Variants in PRH1 observed in about 807,000 individuals in gnomAD.
PRH1 encodes the protein salivary acidic proline-rich phosphoprotein 1/2.
In PRH1, 7 loss-of-function variants were observed where a neutral mutation model predicts 7.9. The observed-to-expected ratio is 0.89, with a 90% CI of 0.50 to 1.67. The LOEUF is 1.67. Ranked by LOEUF, PRH1 falls within the 40% of genes most tolerant of loss-of-function variation. PRH1 has a pLI of 0.00. For synonymous variants in PRH1, 45 were observed against 80.8 expected, an observed-to-expected ratio of 0.56 and a Z score of 2.38; for missense variants, 109 against 223.6, an observed-to-expected ratio of 0.49 and a Z score of 3.27.
chr12:10,908,432 TCTTAA>T (rs754305613), intron 2 of PRH1: 8 of 1,613,614 alleles, frequency 5.0e-6, no homozygotes, highest in Non-Finnish European at 6.8e-6. Flanking sequence ...GAAAGGCCTG[TCTTAA>T]CTTAGCGTTT....
chr12:11,061,374 T>C (rs1241377632), intron 1 of PRH1: 2 of 1,612,590 alleles, frequency 1.2e-6, no homozygotes, highest in Non-Finnish European at 8.5e-7. Flanking sequence ...TCTATGAAGA[T>C]GAAGGCTTCT....
chr12:11,166,461 T>G (rs928669693), intron 1 of PRH1: 1 of 152,234 alleles, frequency 6.6e-6, no homozygotes, highest in Non-Finnish European at 1.5e-5. Context: ...CCACTCCTTG[T>G]GCCAATCAGC....
chr12:11,053,566 T>C (rs894238555), intron 1 of PRH1, among the ~76,000 whole-genome samples: 1 of 152,278 alleles, frequency 6.6e-6, no homozygotes, highest in Non-Finnish European at 1.5e-5. Flanking sequence ...TGAACTTTGC[T>C]GTTTACTAAT....
At chr12:10,922,209 A>C (rs140060062) in intron 2 of PRH1, among the ~76,000 whole-genome samples, 14 of 152,324 alleles carry the variant, frequency 9.2e-5, no homozygotes, top group Middle Eastern at 3.4e-3. Flanking sequence ...TTCTTAACTT[A>C]TTCACCCTTC....
intron 2 of PRH1, chr12:10,937,336 A>C (rs751037121): frequency 3.9e-5 from 6 of 152,026 alleles, no homozygotes; most frequent in Non-Finnish European, 5.9e-5. Flanking sequence ...TACCACCATT[A>C]ACAAGTATCA....
Position 11,041,307 on chromosome 12 carries a change from A to AAAAAAAAAAAAAAAAAC in PRH1, c.-126+5712_-126+5713insGTTTTTTTTTTTTTTTT, listed in dbSNP as rs1565584500. On this transcript the variant is annotated intron_variant, in intron 1 of 3. Transcript: ENST00000539853. ...GCAAACCAAAAAAAAAAAAAAAAAA[A>AAAAAAAAAAAAAAAAAC]AAAACAAAAAAGTAGAGTACCTATA... Among the ~76,000 whole-genome samples, 9 of 97,194 alleles carry AAAAAAAAAAAAAAAAAC rather than the reference A, an allele frequency of 9.3e-5. 1 individual carries two copies. The highest frequency in any genetic ancestry group is 3.4e-4 in the South Asian group (1 of 2,900). The allele number at this position is 97,194 out of a possible 152,430, so 63.8% of individuals were successfully genotyped here.
intron 1 of PRH1, among the ~76,000 whole-genome samples, chr12:11,130,447 C>T (rs538173461): frequency 1.2e-4 from 19 of 152,270 alleles, no homozygotes; most frequent in African/African-American, 4.6e-4. Flanking sequence ...TTGGAGACAA[C>T]ATATTCCACA....
At chr12:10,985,086 T>G (rs963808075) in intron 1 of PRH1, among the ~76,000 whole-genome samples, 8 of 151,426 alleles carry the variant, frequency 5.3e-5, no homozygotes, top group Non-Finnish European at 1.0e-4. Context: ...AAAAAAAACC[T>G]GAAATACTTG....
intron 1 of PRH1, among the ~76,000 whole-genome samples, chr12:11,057,002 T>C (rs77526383): frequency 3.8e-4 from 53 of 137,964 alleles, no homozygotes; most frequent in African/African-American, 1.3e-3. Context: ...GTAAGAACTT[T>C]CACTTTTTTT....
intron 2 of PRH1, chr12:10,909,464 TG>T (rs1259961193): frequency 1.7e-6 from 1 of 599,146 alleles, no homozygotes; most frequent in Non-Finnish European, 3.0e-6. Context: ...TAAAGTTTGC[TG>T]ATCGATCTTC....
chr12:11,101,021 A>G (rs1945226793), intron 1 of PRH1, among the ~76,000 whole-genome samples: 1 of 152,196 alleles, frequency 6.6e-6, no homozygotes, highest in South Asian at 2.1e-4. Context: ...TTTATTGTAA[A>G]TTCCTGAATT....
intron 1 of PRH1, among the ~76,000 whole-genome samples, chr12:11,074,534 T>C (rs1944219174): frequency 7.6e-6 from 1 of 132,148 alleles, no homozygotes; most frequent in Non-Finnish European, 1.7e-5. Context: ...CATAGTTAGA[T>C]GAACTTGCCC....
At chr12:11,112,390 T>G (rs1364978051) in intron 1 of PRH1, among the ~76,000 whole-genome samples, 1 of 152,140 alleles carries the variant, frequency 6.6e-6, no homozygotes, top group Non-Finnish European at 1.5e-5. Flanking sequence ...TGAACATCGA[T>G]GCGAAAATCC....
intron 2 of PRH1, chr12:10,930,244 C>T (rs201301366): frequency 1.1e-4 from 181 of 1,611,588 alleles, no homozygotes; most frequent in Non-Finnish European, 1.5e-4. Flanking sequence ...GTAACTTTTC[C>T]CATCATCCTG....
downstream of PRH1, among the ~76,000 whole-genome samples, chr12:11,117,238 T>C (rs1250621896): frequency 1.3e-5 from 2 of 152,006 alleles, no homozygotes; most frequent in African/African-American, 4.8e-5. Context: ...ACAATTAACA[T>C]AAAAAATTAG....
At chr12:10,964,791 A>C (rs766248809) in intron 2 of PRH1, 25 of 591,136 alleles carry the variant, frequency 4.2e-5, no homozygotes, top group Non-Finnish European at 7.1e-5. Flanking sequence ...GACAGAGTAA[A>C]GGGTATTAAG....
chr12:11,124,507 C>G (rs185408667), intron 1 of PRH1, among the ~76,000 whole-genome samples: 6 of 152,372 alleles, frequency 3.9e-5, no homozygotes, highest in African/African-American at 1.4e-4. Flanking sequence ...TTAATATCAT[C>G]TATAATTGTT....
At chr12:11,094,299 CAAAAAAAAAAAAA>C (rs34742610) in intron 1 of PRH1, among the ~76,000 whole-genome samples, 2 of 27,024 alleles carry the variant, frequency 7.4e-5, no homozygotes, top group African/African-American at 1.5e-4. Flanking sequence ...AAGACTCTGT[CAAAAAAAAAAAAA>C]AAAAAAAAAA....
At chr12:10,971,924 C>T (rs768969227) in intron 2 of PRH1, among the ~76,000 whole-genome samples, 7 of 151,980 alleles carry the variant, frequency 4.6e-5, no homozygotes, top group African/African-American at 7.3e-5. Flanking sequence ...TGCACTTATT[C>T]GTATTCTATT....
Sources: gnomAD v4.1 joint callset for allele counts (sites outside exome capture counted in the v4.1 genomes callset) on GRCh38, gnomAD v4.1.1 for gene constraint, MANE v1.5 for transcripts, NCBI Gene and HGNC (gene_info 2026-07-23, HGNC 2026-07-21) for gene names.